The following PCDHGA9 variants were observed in gnomAD, a reference collection of about 807,000 sequenced individuals.
The protein encoded by PCDHGA9 is protocadherin gamma-A9.
A neutral mutation model predicts 62.5 loss-of-function variants in PCDHGA9; 37 were observed. The ratio of observed to expected loss-of-function variants is 0.59; its 90% CI spans 0.46 to 0.78. The LOEUF (loss-of-function observed/expected upper bound fraction) is 0.78, where lower values mean the gene tolerates loss of function less well. PCDHGA9 is among the 30% of genes least tolerant of loss of function. PCDHGA9 has a pLI of 0.00. For missense variants in PCDHGA9, 1,138 were observed against 1,166.2 expected (o/e 0.98, Z 0.35); for synonymous variants, 459 against 484.6 (o/e 0.95, Z 0.69).
intron 1 of PCDHGA9, chr5:141,427,650 G>A (rs1352503291): frequency 1.4e-6 from 1 of 718,312 alleles, no homozygotes; most frequent in Admixed American, 2.0e-5. Flanking sequence ...AGTCTCCTAC[G>A]TGGTCCACGT....
intron 1 of PCDHGA9, chr5:141,417,692 C>A: frequency 9.2e-7 from 1 of 1,089,116 alleles, no homozygotes; most frequent in Non-Finnish European, 1.3e-6. Context: ...AAAAGAAAAC[C>A]AGCTCCCACA....
intron 1 of PCDHGA9, among the ~76,000 whole-genome samples, chr5:141,452,145 C>T (rs1414317332): frequency 6.6e-6 from 1 of 152,020 alleles, no homozygotes; most frequent in Non-Finnish European, 1.5e-5. Flanking sequence ...GTGTTTTTTC[C>T]AATGAGTTAT....
chr5:141,421,374 C>G, intron 1 of PCDHGA9: 1 of 1,614,062 alleles, frequency 6.2e-7, no homozygotes, highest in Non-Finnish European at 8.5e-7. Context: ...TGGGCAATAT[C>G]TCCAAGGACC....
chr5:141,430,383 G>GAA (rs139772145), intron 1 of PCDHGA9, among the ~76,000 whole-genome samples: 39 of 138,602 alleles, frequency 2.8e-4, no homozygotes, highest in African/African-American at 7.9e-4. Context: ...AGCTCATTGG[G>GAA]AAAAAAAAAA....
chr5:141,413,134 G>A, intron 1 of PCDHGA9: 1 of 1,543,438 alleles, frequency 6.5e-7, no homozygotes, highest in South Asian at 1.3e-5. Flanking sequence ...AACACACAAC[G>A]TGTCCAGTGA....
At chr5:141,419,316 G>T in intron 1 of PCDHGA9, 2 of 1,613,994 alleles carry the variant, frequency 1.2e-6, no homozygotes, top group Non-Finnish European at 1.7e-6. Context: ...CTCAACGGCC[G>T]TGTCTCCTAC....
chr5:141,436,040 C>A (rs989038133), intron 1 of PCDHGA9, among the ~76,000 whole-genome samples: 2 of 152,060 alleles, frequency 1.3e-5, no homozygotes, highest in African/African-American at 4.8e-5. Context: ...TTTGTATTTA[C>A]ATTAGTTTTC....
intron 3 of PCDHGA9, among the ~76,000 whole-genome samples, chr5:141,507,590 T>C (rs531629336): frequency 1.3e-5 from 2 of 152,374 alleles, no homozygotes; most frequent in African/African-American, 4.8e-5. Context: ...AGTTGGCCTC[T>C]TGAGGGAAAT....
intron 1 of PCDHGA9, among the ~76,000 whole-genome samples, chr5:141,425,629 C>G (rs1297803997): frequency 1.3e-5 from 2 of 152,162 alleles, no homozygotes; most frequent in Admixed American, 1.3e-4. Flanking sequence ...CTCCAGTTTT[C>G]TCTGATAAAA....
intron 1 of PCDHGA9, chr5:141,492,073 G>C (rs2099736846): frequency 6.2e-6 from 3 of 480,898 alleles, no homozygotes; most frequent in Non-Finnish European, 1.1e-5. Flanking sequence ...CCTAGGCGCC[G>C]GCTCCGGCAC....
rs779390477 is a variant in PCDHGA9 at position 141,419,000 on chromosome 5, G to A, written c.2424+13624G>A. ...GGACCAAGACTCAGGGGAAAATGGG[G>A]AAGTCAGGTGTAGCTTAAGTAGAGG... On this transcript the variant is annotated intron_variant, in intron 1 of 3. Transcript: ENST00000573521. 3.1e-6 allele frequency: 5 copies of A among 1,613,962 alleles called. 1 individual carries two copies. In the South Asian group the frequency reaches 4.4e-5, roughly 14 times the overall value.
intron 3 of PCDHGA9, among the ~76,000 whole-genome samples, chr5:141,509,064 C>T (rs890846779): frequency 6.6e-6 from 1 of 152,184 alleles, no homozygotes; most frequent in African/African-American, 2.4e-5. Flanking sequence ...AAGCTCTCAG[C>T]TCCGGGGATT....
intron 1 of PCDHGA9, chr5:141,423,278 A>C: frequency 1.2e-6 from 2 of 1,613,940 alleles, no homozygotes; most frequent in Non-Finnish European, 1.7e-6. Flanking sequence ...TCTCTGGCTA[A>C]CTCTGAAACC....
chr5:141,471,003 C>A (rs2099246040), intron 1 of PCDHGA9, among the ~76,000 whole-genome samples: 1 of 151,658 alleles, frequency 6.6e-6, no homozygotes, highest in East Asian at 1.9e-4. Flanking sequence ...AGGCATGAGC[C>A]ACTGTGCCTG....
chr5:141,419,333 A>G, intron 1 of PCDHGA9: 2 of 1,613,804 alleles, frequency 1.2e-6, no homozygotes, highest in South Asian at 1.1e-5. Context: ...CTACTCTCTC[A>G]TTGCCAGCGA....
At chr5:141,410,828 C>A in intron 1 of PCDHGA9, 4 of 377,748 alleles carry the variant, frequency 1.1e-5, no homozygotes, top group Non-Finnish European at 1.8e-5. Context: ...TGTCACCAGA[C>A]TGAAGATATT....
chr5:141,500,434 C>T (rs1216731905), intron 2 of PCDHGA9, among the ~76,000 whole-genome samples: 1 of 152,014 alleles, frequency 6.6e-6, no homozygotes, highest in Non-Finnish European at 1.5e-5. Flanking sequence ...TGGTCTCGAT[C>T]TCCTGACCTC....
intron 1 of PCDHGA9, chr5:141,478,642 T>C (rs777741719): frequency 6.4e-7 from 1 of 1,552,350 alleles, no homozygotes; most frequent in Non-Finnish European, 8.7e-7. Context: ...GTGATGAAGA[T>C]GTTTTCCTGG....
chr5:141,446,415 T>C (rs1275165245), intron 1 of PCDHGA9, among the ~76,000 whole-genome samples: 2 of 152,046 alleles, frequency 1.3e-5, no homozygotes, highest in African/African-American at 4.8e-5. Flanking sequence ...GTTCCAGCCA[T>C]GTTCATTTGA....
Sources: allele counts gnomAD v4.1 joint callset (sites outside exome capture counted in the v4.1 genomes callset), GRCh38; gene constraint gnomAD v4.1.1; transcripts MANE v1.5; gene names NCBI Gene and HGNC (gene_info 2026-07-23, HGNC 2026-07-21).